Variants in TMEM67 observed in about 807,000 individuals in gnomAD.
TMEM67 encodes transmembrane protein 67.
Under a neutral mutation model 136.6 loss-of-function variants are expected in TMEM67, and 124 were observed. The observed-to-expected ratio is 0.91, with a 90% confidence interval of 0.78 to 1.05. TMEM67 has a LOEUF of 1.05. Ranked by LOEUF, TMEM67 falls within the 50% of genes least tolerant of loss-of-function variation. TMEM67 has a pLI of 0.00. For missense variants in TMEM67, 1,107 were observed against 1,178.4 expected, an observed-to-expected ratio of 0.94 and a Z score of 0.89; for synonymous variants, 364 against 390.5, an observed-to-expected ratio of 0.93 and a Z score of 0.80.
intron 14 of TMEM67, among the ~76,000 whole-genome samples, chr8:93,790,934 A>G (rs569637925): frequency 1.3e-5 from 2 of 152,344 alleles, no homozygotes; most frequent in South Asian, 4.1e-4. Flanking sequence ...GGTTTACCCA[A>G]TTGCTAAATT....
At chr8:93,788,325 GA>G (rs1814212042) in intron 14 of TMEM67, among the ~76,000 whole-genome samples, 1 of 152,128 alleles carries the variant, frequency 6.6e-6, no homozygotes, top group Non-Finnish European at 1.5e-5. Flanking sequence ...AGTACTTTGG[GA>G]GGCTAAGGCG....
chr8:93,775,813 G>A (rs940999797), intron 7 of TMEM67, among the ~76,000 whole-genome samples: 5 of 152,060 alleles, frequency 3.3e-5, no homozygotes, highest in African/African-American at 1.2e-4. Context: ...TTCTTTTTGT[G>A]TAGGATTGTC....
At chr8:93,815,478 T>G (rs1808872054) in intron 27 of TMEM67, 31 bp downstream of exon 27, 19 of 1,574,428 alleles carry the variant, frequency 1.2e-5, no homozygotes, top group Non-Finnish European at 1.7e-5. Context: ...TACATTTTCC[T>G]TCATTTTCTT....
At position 93,758,567 on chromosome 8, in the gene TMEM67, C is replaced by G; in HGVS notation, c.397C>G (p.His133Asp). Residue 133 changes from histidine (H) to aspartate (D), a missense_variant, in exon 3 of 28, where the codon CAT (histidine) becomes GAT (aspartate). His to Asp is a moderately conservative substitution (Grantham distance 81). This residue lies in a region of TMEM67 where 4 missense variants were observed against 16.8 expected (regional missense o/e 0.24). Coordinates refer to ENST00000453321, the MANE Select transcript of TMEM67 (RefSeq NM_153704.6). ...AGGAAAATGTCACTGTCCCATTGGC[C>G]ATATTTTAGGTAAGAATTAGATTCC... ...AEGKCHCPIG[H>D]ILVERDINGT... 1.2e-6 allele frequency: 2 copies of G among 1,612,050 alleles called. No homozygotes were observed. The highest frequency in any genetic ancestry group is 1.7e-6 in the Non-Finnish European group (2 of 1,178,252).
chr8:93,779,142 A>C (rs567994664), intron 7 of TMEM67, among the ~76,000 whole-genome samples: 49 of 152,312 alleles, frequency 3.2e-4, no homozygotes, highest in African/African-American at 1.1e-3. Flanking sequence ...CCACTTGACC[A>C]AATCGGCTAC....
rs866721026 is a variant in TMEM67 at position 93,765,426 on chromosome 8, C to A, written c.527C>A (p.Thr176Lys). The A allele has an allele frequency of 6.2e-7, 1 of 1,611,812 alleles. No individual in the cohort carries two copies. Among genetic ancestry groups the A allele is most frequent in the Admixed American group, 1.7e-5 (1 of 60,016 alleles). Residue 176 changes from threonine to lysine, a missense_variant, in exon 5 of 28, where the codon ACA becomes AAA. Thr to Lys is a moderately conservative substitution (Grantham distance 78). Around this residue, in one of 3 missense-constraint regions of TMEM67, gnomAD observed 925 missense variants for 1,002.4 expected, o/e 0.92. Coordinates refer to ENST00000453321, the MANE Select transcript of TMEM67 (RefSeq NM_153704.6). ...LGDRCVRCEPTFVNTSRSCAC... is the reference protein window; with the variant it reads ...LGDRCVRCEPKFVNTSRSCAC... Reference sequence around the variant, plus strand: ...AACAGGTGCGTCCGATGTGAGCCAACATTTGTTAATACCAGCAGGTCCTGT... The same window carrying A: ...AACAGGTGCGTCCGATGTGAGCCAAAATTTGTTAATACCAGCAGGTCCTGT...
At chr8:93,780,205 G>A (rs532716936) in intron 7 of TMEM67, among the ~76,000 whole-genome samples, 10 of 151,892 alleles carry the variant, frequency 6.6e-5, no homozygotes, top group Non-Finnish European at 1.0e-4. Context: ...CTGGTGTGCC[G>A]TTTGCTAAGA....
At chr8:93,815,776 C>T (rs1285309175) in intron 27 of TMEM67, among the ~76,000 whole-genome samples, 3 of 152,090 alleles carry the variant, frequency 2.0e-5, no homozygotes, top group South Asian at 2.1e-4. Flanking sequence ...CCTCTCCAGA[C>T]GTTAAGTAAC....
At chr8:93,782,998 T>G (rs1419241405) in intron 11 of TMEM67, among the ~76,000 whole-genome samples, 1 of 152,078 alleles carries the variant, frequency 6.6e-6, no homozygotes, top group Non-Finnish European at 1.5e-5. Context: ...AGTTTTTTGT[T>G]TTTTGAGACA....
intron 3 of TMEM67, among the ~76,000 whole-genome samples, chr8:93,761,321 C>T (rs970746934): frequency 6.6e-6 from 1 of 152,114 alleles, no homozygotes; most frequent in Non-Finnish European, 1.5e-5. Flanking sequence ...GAAACTTTTT[C>T]AACTTTGACA....
Position 93,815,293 on chromosome 8 carries a change from T to A in TMEM67, c.2765-12T>A, listed in dbSNP as rs1232793342. 24 of 1,494,520 alleles carry A rather than the reference T, an allele frequency of 1.6e-5. 1 individual carries two copies. Among genetic ancestry groups the A allele is most frequent in the Non-Finnish European group, 2.0e-5 (22 of 1,111,252 alleles). The allele number at this position is 1,494,520 out of a possible 1,614,324, so 92.6% of individuals were successfully genotyped here. A position where few individuals can be genotyped will look rare whatever the true frequency, so the allele number is the denominator to read the frequency against. ...AAATTTCTAATTTATATTTTCTAAATTTTTTTAATAGATGAAGGTTATTCT... is the reference window on the plus strand; with the variant it reads ...AAATTTCTAATTTATATTTTCTAAAATTTTTTAATAGATGAAGGTTATTCT... On this transcript the variant is annotated splice_polypyrimidine_tract_variant and intron_variant, in intron 26 of 27. Coordinates refer to ENST00000453321, the MANE Select transcript of TMEM67 (RefSeq NM_153704.6).
At chr8:93,781,790 G>A in intron 10 of TMEM67, 46 bp downstream of exon 10, 1 of 1,179,214 alleles carries the variant, frequency 8.5e-7, no homozygotes, top group South Asian at 1.3e-5. Flanking sequence ...CATTATTTTT[G>A]CCTGAGACAA....
At chr8:93,808,464 T>TATCTATTATAGATATTTATATATAATAG (rs1808520910) in intron 23 of TMEM67, among the ~76,000 whole-genome samples, 1 of 60,164 alleles carries the variant, frequency 1.7e-5, no homozygotes, top group Non-Finnish European at 3.4e-5. Context: ...AATATATATT[T>TATCTATTATAGATATTTATATATAATAG]ATCTATTATA....
intron 21 of TMEM67, 91 bp downstream of exon 21, chr8:93,799,849 A>C: frequency 1.9e-6 from 2 of 1,058,072 alleles, no homozygotes; most frequent in Non-Finnish European, 2.9e-6. Flanking sequence ...TATTGACCAC[A>C]TCCTTCTTTC....
At chr8:93,802,630 T>C (rs865926436) in intron 21 of TMEM67, among the ~76,000 whole-genome samples, 1 of 152,224 alleles carries the variant, frequency 6.6e-6, no homozygotes, top group Non-Finnish European at 1.5e-5. Flanking sequence ...TTGTCTAAAC[T>C]CTCCTTGATT....
intron 3 of TMEM67, chr8:93,763,126 TG>T (rs1448602367): frequency 3.8e-6 from 1 of 261,536 alleles, no homozygotes. Flanking sequence ...GACAAGGTTT[TG>T]CCATATTGGC....
In TMEM67 at chr8:93,780,874, G is replaced by A; in HGVS notation, c.870G>A (p.Trp290Ter). The A allele has an allele frequency of 6.2e-7, 1 of 1,609,368 alleles. No individual in the cohort carries two copies. The highest frequency in any genetic ancestry group is 8.5e-7 in the Non-Finnish European group (1 of 1,177,242). The part of the protein sequence containing the change: ...GLSTVHSISF[W>*]RQNLPWLFYG... ...TTAAAACAGTTGTAACTGTTTATAG[G>A]AGACAGAATCTTCCTTGGCTGTTTT... Residue 290 changes from tryptophan to a stop codon, truncating the protein, a stop_gained and splice_region_variant, in exon 9 of 28, where the codon TGG becomes TGA. Coordinates refer to ENST00000453321, the MANE Select transcript of TMEM67 (RefSeq NM_153704.6). LOFTEE classifies it high-confidence loss of function.
intron 18 of TMEM67, 126 bp downstream of exon 18, chr8:93,796,113 A>T: frequency 1.4e-6 from 1 of 715,694 alleles, no homozygotes; most frequent in Non-Finnish European, 2.5e-6. Context: ...GAAAGCATTA[A>T]TTATTTTATG....
At chr8:93,830,847 A>G in the TMEM67 span, among the ~76,000 whole-genome samples, 1 of 152,246 alleles carries the variant, frequency 6.6e-6, no homozygotes, top group Non-Finnish European at 1.5e-5. Flanking sequence ...TGTTATAATC[A>G]TCATGCACAA....
Sources: allele counts gnomAD v4.1 joint callset (sites outside exome capture counted in the v4.1 genomes callset), GRCh38; gene constraint gnomAD v4.1.1; regional missense constraint gnomAD v4.1.1; transcripts MANE v1.5; gene names NCBI Gene and HGNC (gene_info 2026-07-23, HGNC 2026-07-21).